The following METTL8 variants were observed in gnomAD, a reference collection of about 807,000 sequenced individuals.
METTL8 encodes the protein tRNA N(3)-cytidine methyltransferase METTL8, mitochondrial.
A neutral mutation model predicts 48.7 loss-of-function variants in METTL8; 32 were observed. That is an observed-to-expected ratio of 0.66 (90% CI 0.50 to 0.88). The LOEUF (loss-of-function observed/expected upper bound fraction) is 0.88, where lower values mean the gene tolerates loss of function less well. METTL8 is among the 40% of genes least tolerant of loss of function. The pLI is 0.00. For missense variants in METTL8, 464 were observed against 474.4 expected (o/e 0.98, Z 0.20); for synonymous variants, 136 against 157.1 (o/e 0.87, Z 1.01).
chr2:171,431,400 T>C (rs111617777), intron 1 of METTL8, among the ~76,000 whole-genome samples: 1,792 of 152,288 alleles, frequency 0.012, 43 homozygotes, highest in African/African-American at 0.041. Context: ...AGGACCCCTT[T>C]CTTTACTGGG....
chr2:171,386,966 A>G (rs1439961260), intron 2 of METTL8, among the ~76,000 whole-genome samples: 1 of 152,118 alleles, frequency 6.6e-6, no homozygotes, highest in Non-Finnish European at 1.5e-5. Flanking sequence ...AGGAGAGCCC[A>G]GTCCACCTAG....
chr2:171,419,413 C>T (rs1478137645), intron 1 of METTL8, among the ~76,000 whole-genome samples: 1 of 152,134 alleles, frequency 6.6e-6, no homozygotes, highest in Non-Finnish European at 1.5e-5. Context: ...CAGATAACTC[C>T]AGCCTTCCCT....
chr2:171,378,780 G>T lies in METTL8; in HGVS notation c.143+13263C>A, dbSNP rs893787010. Among the ~76,000 whole-genome samples, 77 of 152,140 alleles carry T rather than the reference G, an allele frequency of 5.1e-4. 1 individual carries two copies. Among genetic ancestry groups the T allele is most frequent in the Non-Finnish European group, 2.1e-4 (14 of 68,024 alleles). On this transcript the variant is annotated intron_variant, in intron 2 of 9. Coordinates refer to ENST00000375258, the MANE Select transcript of METTL8 (RefSeq NM_001321154.2). ...AAACAAGTTCTTAGAGACCTACAAG[G>T]AGACTTAAACTGCCACACAATAGTG...
intron 3 of METTL8, among the ~76,000 whole-genome samples, chr2:171,357,941 C>T (rs1369897842): frequency 6.6e-6 from 1 of 152,138 alleles, no homozygotes; most frequent in Non-Finnish European, 1.5e-5. Flanking sequence ...AGCAATCCTC[C>T]AGCCTAGGTT....
intron 1 of METTL8, among the ~76,000 whole-genome samples, chr2:171,415,870 C>T (rs1231005453): frequency 6.6e-6 from 1 of 152,084 alleles, no homozygotes; most frequent in Non-Finnish European, 1.5e-5. Flanking sequence ...AGAAGAGTTG[C>T]TTAAAAGACC....
chr2:171,411,364 T>C, intron 1 of METTL8, among the ~76,000 whole-genome samples: 1 of 152,148 alleles, frequency 6.6e-6, no homozygotes, highest in East Asian at 1.9e-4. Flanking sequence ...GAAAGAGTGA[T>C]GTGATTGTGT....
chr2:171,352,124 A>T (rs879844160), intron 3 of METTL8, among the ~76,000 whole-genome samples: 3 of 152,196 alleles, frequency 2.0e-5, no homozygotes, highest in Non-Finnish European at 4.4e-5. Context: ...TTATTTTGAG[A>T]TATGTCCCAT....
chr2:171,345,620 T>G (rs941581158), intron 3 of METTL8, among the ~76,000 whole-genome samples: 4 of 152,230 alleles, frequency 2.6e-5, no homozygotes, highest in Non-Finnish European at 5.9e-5. Context: ...TATATTTTTT[T>G]CACATAGAAC....
chr2:171,326,348 A>C, intron 7 of METTL8, 200 bp from the exon 8 acceptor site: 1 of 533,180 alleles, frequency 1.9e-6, no homozygotes, highest in Non-Finnish European at 3.3e-6. Context: ...ACTAGATTCA[A>C]AAGTCCTAGA....
intron 2 of METTL8, among the ~76,000 whole-genome samples, chr2:171,368,146 T>C (rs545607227): frequency 1.3e-5 from 2 of 152,330 alleles, no homozygotes; most frequent in African/African-American, 4.8e-5. Flanking sequence ...ATTTTGCTGA[T>C]TGATGAAGCA....
chr2:171,369,175 A>C (rs1686037069), intron 2 of METTL8, among the ~76,000 whole-genome samples: 1 of 151,492 alleles, frequency 6.6e-6, no homozygotes, highest in Non-Finnish European at 1.5e-5. Context: ...GCATGGTGGC[A>C]GTCGCCTGTA....
rs1177898685 is a variant in METTL8, at chr2:171,390,549, T to C, written c.143+1494A>G. 3.3e-5 allele frequency among the ~76,000 whole-genome samples: 5 copies of C among 152,086 alleles called. 1 individual carries two copies. Among genetic ancestry groups the C allele is most frequent in the Non-Finnish European group, 5.9e-5 (4 of 68,012 alleles). Reference sequence around the variant, plus strand: ...GAGGAGGTCAAAATAATAACATCAATAGGAGTTTGGAAGAAGTTGATTCTA... The same window carrying C: ...GAGGAGGTCAAAATAATAACATCAACAGGAGTTTGGAAGAAGTTGATTCTA... On this transcript the variant is annotated intron_variant, in intron 2 of 9. Coordinates refer to ENST00000375258, the MANE Select transcript of METTL8 (RefSeq NM_001321154.2).
At chr2:171,404,486 G>C (rs932195740) in intron 1 of METTL8, among the ~76,000 whole-genome samples, 1 of 152,008 alleles carries the variant, frequency 6.6e-6, no homozygotes, top group Non-Finnish European at 1.5e-5. Context: ...TTCACTTCCT[G>C]GGCAGGACAG....
rs1187150835 is a variant in METTL8, at chr2:171,320,981, TC to T, written c.*3190del. 1 of 152,164 alleles carries T rather than the reference TC, an allele frequency of 6.6e-6. No individual in the cohort carries two copies. The highest frequency in any genetic ancestry group is 1.9e-4 in the East Asian group (1 of 5,194). 9.4% of individuals were successfully genotyped at this position (152,164 alleles called of 1,614,324 possible). On this transcript the variant is annotated 3_prime_UTR_variant, in exon 10 of 10. Coordinates refer to ENST00000375258, the MANE Select transcript of METTL8 (RefSeq NM_001321154.2). ...TAGGTTATCTACAAGCTGACCCCCT[TC>T]CCATCTTTTCTACCTATCCCTCATC...
At chr2:171,350,986 C>T (rs1457850040) in intron 3 of METTL8, among the ~76,000 whole-genome samples, 2 of 152,144 alleles carry the variant, frequency 1.3e-5, no homozygotes, top group African/African-American at 2.4e-5. Flanking sequence ...CATTTGTCAA[C>T]TTTGGCTTTT....
chr2:171,404,295 T>G (rs182827035), intron 1 of METTL8, among the ~76,000 whole-genome samples: 2 of 151,994 alleles, frequency 1.3e-5, no homozygotes, highest in East Asian at 3.9e-4. Flanking sequence ...GTGAGGTGAA[T>G]GATGCAGGCA....
At chr2:171,366,182 T>G (rs1014814705) in intron 2 of METTL8, among the ~76,000 whole-genome samples, 2 of 152,102 alleles carry the variant, frequency 1.3e-5, no homozygotes, top group African/African-American at 4.8e-5. Context: ...AAGAGAGAAC[T>G]GACAAGATAG....
At chr2:171,374,614 A>G (rs1686753920) in intron 2 of METTL8, among the ~76,000 whole-genome samples, 1 of 152,040 alleles carries the variant, frequency 6.6e-6, no homozygotes, top group South Asian at 2.1e-4. Flanking sequence ...CATTCCCTTC[A>G]AGTTTCCTTG....
chr2:171,362,045 G>T (rs1009980377), intron 2 of METTL8, among the ~76,000 whole-genome samples: 4 of 152,264 alleles, frequency 2.6e-5, no homozygotes, highest in African/African-American at 9.6e-5. Flanking sequence ...TGCATACAGG[G>T]AACAGTTAAA....
Sources: gnomAD v4.1 joint callset for allele counts (sites outside exome capture counted in the v4.1 genomes callset) on GRCh38, gnomAD v4.1.1 for gene constraint, MANE v1.5 for transcripts, NCBI Gene and HGNC (gene_info 2026-07-23, HGNC 2026-07-21) for gene names.